Variants in NOL4 observed in about 807,000 individuals in gnomAD.
NOL4 encodes the protein nucleolar protein 4, also known as cancer/testis antigen 125.
NOL4 carries 17 observed loss-of-function variants against 75.9 expected under a neutral mutation model. The ratio of observed to expected loss-of-function variants is 0.22; its 90% CI spans 0.15 to 0.34. NOL4 has a LOEUF of 0.34. Ranked by LOEUF, NOL4 falls within the 10% of genes least tolerant of loss-of-function variation. NOL4 has a pLI of 1.00. For synonymous variants in NOL4, 292 were observed against 289.9 expected, an observed-to-expected ratio of 1.01 and a Z score of -0.07; for missense variants, 614 against 793.5, an observed-to-expected ratio of 0.77 and a Z score of 2.72.
intron 1 of NOL4, among the ~76,000 whole-genome samples, chr18:34,191,973 C>T (rs2034953881): frequency 1.3e-5 from 2 of 152,136 alleles, no homozygotes; most frequent in African/African-American, 4.8e-5. Context: ...CATGTGCATG[C>T]TCCTCCTGCA....
chr18:34,197,941 G>A (rs1393780954), intron 1 of NOL4, among the ~76,000 whole-genome samples: 1 of 151,644 alleles, frequency 6.6e-6, no homozygotes, highest in Non-Finnish European at 1.5e-5. Flanking sequence ...AGGAAGGGAG[G>A]TAGAAAAATA....
chr18:33,911,447 T>C (rs1157675284), intron 9 of NOL4, among the ~76,000 whole-genome samples: 1 of 152,138 alleles, frequency 6.6e-6, no homozygotes, highest in Non-Finnish European at 1.5e-5. Context: ...CTATTTTTTG[T>C]CTATTTAAAA....
At chr18:34,080,277 A>G (rs979237716) in intron 5 of NOL4, among the ~76,000 whole-genome samples, 2 of 152,148 alleles carry the variant, frequency 1.3e-5, no homozygotes, top group Admixed American at 1.3e-4. Context: ...GTAGTTATAC[A>G]TATATTCCTA....
chr18:34,024,194 A>AAAAATATATATATATATATATATATAT, intron 5 of NOL4, among the ~76,000 whole-genome samples: 29 of 70,652 alleles, frequency 4.1e-4, no homozygotes, highest in African/African-American at 1.2e-3. Flanking sequence ...AAAAAAAAAA[A>AAAAATATATATATATATATATATATAT]ATATATATAT....
chr18:33,886,527 C>CAA (rs552709755), intron 9 of NOL4, among the ~76,000 whole-genome samples: 6 of 83,616 alleles, frequency 7.2e-5, no homozygotes, highest in African/African-American at 1.8e-4. Flanking sequence ...GACTCCATCT[C>CAA]AAAAAAAAAA....
rs764746533 is a variant in NOL4, at chr18:34,118,011, T to C, written c.414+11860A>G. 2.4e-4 allele frequency among the ~76,000 whole-genome samples: 36 copies of C among 152,334 alleles called. 1 individual carries two copies. In the South Asian group the frequency reaches 2.5e-3, roughly 11 times the overall value. On this transcript the variant is annotated intron_variant, in intron 2 of 10. Coordinates refer to ENST00000261592, the MANE Select transcript of NOL4 (RefSeq NM_003787.5). ...AGTGTAATAAAAAAATGATGAGTGT[T>C]CCTAAATATCAGTAGTTTGAAAATG... is the stretch of plus-strand genomic sequence containing the variant.
intron 6 of NOL4, among the ~76,000 whole-genome samples, chr18:33,973,984 T>C (rs1291568932): frequency 6.6e-6 from 1 of 152,224 alleles, no homozygotes; most frequent in African/African-American, 2.4e-5. Flanking sequence ...CCTTTGAAGC[T>C]TTGAAGCCAG....
intron 1 of NOL4, among the ~76,000 whole-genome samples, chr18:34,164,411 T>C (rs886838766): frequency 6.6e-5 from 10 of 151,264 alleles, no homozygotes; most frequent in Admixed American, 3.3e-4. Context: ...AAACAAACAA[T>C]CCCATCAAAA....
chr18:34,194,426 GGGAAGGAAGGAA>G (rs796904055), intron 1 of NOL4, among the ~76,000 whole-genome samples: 3 of 127,996 alleles, frequency 2.3e-5, no homozygotes, highest in Non-Finnish European at 4.9e-5. Flanking sequence ...GAGGGAGGGA[GGGAAGGAAGGAA>G]GGAAGGAAGG....
intron 1 of NOL4, among the ~76,000 whole-genome samples, chr18:34,185,206 T>C (rs141151253): frequency 4.9e-4 from 75 of 152,308 alleles, no homozygotes; most frequent in African/African-American, 1.8e-3. Flanking sequence ...GCTGAGATTG[T>C]GCCCTACTTG....
At chr18:33,960,484 G>A (rs927348880) in intron 6 of NOL4, among the ~76,000 whole-genome samples, 1 of 151,954 alleles carries the variant, frequency 6.6e-6, no homozygotes, top group Non-Finnish European at 1.5e-5. Flanking sequence ...AAAATCTCCT[G>A]CTCCAACTCC....
intron 1 of NOL4, among the ~76,000 whole-genome samples, chr18:34,176,273 A>G (rs2033538230): frequency 6.6e-6 from 1 of 152,124 alleles, no homozygotes; most frequent in Non-Finnish European, 1.5e-5. Flanking sequence ...AAGTGATATT[A>G]TTATCTGAGG....
At chr18:34,043,516 G>A (rs2144837350) in intron 5 of NOL4, among the ~76,000 whole-genome samples, 1 of 152,118 alleles carries the variant, frequency 6.6e-6, no homozygotes, top group Non-Finnish European at 1.5e-5. Context: ...TAGGATACAA[G>A]AATGACTCTC....
At chr18:34,061,525 G>T (rs1465988936) in intron 5 of NOL4, among the ~76,000 whole-genome samples, 5 of 152,056 alleles carry the variant, frequency 3.3e-5, no homozygotes, top group Admixed American at 6.6e-5. Flanking sequence ...TTACCTAAAA[G>T]GTCAACCAAT....
intron 5 of NOL4, among the ~76,000 whole-genome samples, chr18:34,045,790 T>G (rs754908142): frequency 2.0e-5 from 3 of 152,164 alleles, no homozygotes; most frequent in Non-Finnish European, 4.4e-5. Flanking sequence ...CAATGTATCA[T>G]AGTATTGAAT....
At chr18:34,213,305 T>G (rs2036638599) in intron 1 of NOL4, among the ~76,000 whole-genome samples, 1 of 152,172 alleles carries the variant, frequency 6.6e-6, no homozygotes, top group Non-Finnish European at 1.5e-5. Context: ...TATTTTTTCT[T>G]TTGAGATGGA....
At position 34,019,423 on chromosome 18, in the gene NOL4, C is replaced by T. The variant is rs199873065; in HGVS notation, c.951G>A (p.Ser317=). ...TGTTGTGATCATCTATTCTGTATTC[C>T]GAAGTTAGCTGCGCAGAGAGGGGAC... ...SDSPLSAQLT[S]EYRIDDHNSN... Residue 317 remains serine, a synonymous_variant, in exon 6 of 11, where the codon TCG becomes TCA. Transcript: ENST00000261592. 186 of 1,613,814 alleles carry T rather than the reference C, an allele frequency of 1.2e-4. No homozygotes were observed. The highest frequency in any genetic ancestry group is 1.0e-3 in the African/African-American group (76 of 74,934).
chr18:33,919,993 A>C (rs553420724), intron 9 of NOL4, among the ~76,000 whole-genome samples: 2 of 152,334 alleles, frequency 1.3e-5, no homozygotes, highest in African/African-American at 4.8e-5. Flanking sequence ...CATTCATGAA[A>C]GAGCAATCAT....
chr18:34,163,151 G>A (rs369538648), intron 1 of NOL4, among the ~76,000 whole-genome samples: 20 of 152,228 alleles, frequency 1.3e-4, no homozygotes, highest in African/African-American at 4.6e-4. Flanking sequence ...ATAGGCAAAA[G>A]CTGGAAGCAT....
Sources: gnomAD v4.1 joint callset for allele counts (sites outside exome capture counted in the v4.1 genomes callset) on GRCh38, gnomAD v4.1.1 for gene constraint, MANE v1.5 for transcripts, NCBI Gene and HGNC (gene_info 2026-07-23, HGNC 2026-07-21) for gene names.